The following DLGAP2 variants were observed in gnomAD, a reference collection of about 807,000 sequenced individuals.
The protein encoded by DLGAP2 is DLG associated protein 2.
A neutral mutation model predicts 100.3 loss-of-function variants in DLGAP2; 26 were observed. The ratio of observed to expected loss-of-function variants is 0.26; its 90% CI spans 0.19 to 0.36. DLGAP2 has a LOEUF of 0.36. Ranked by LOEUF, DLGAP2 falls within the 10% of genes least tolerant of loss-of-function variation. DLGAP2 has a pLI of 1.00. For synonymous variants in DLGAP2, 886 were observed against 630.1 expected, an observed-to-expected ratio of 1.41 and a Z score of -6.08; for missense variants, 1,858 against 1,453.2, an observed-to-expected ratio of 1.28 and a Z score of -4.53.
At chr8:1,562,976 G>T (rs1802232549) in intron 5 of DLGAP2, among the ~76,000 whole-genome samples, 1 of 78,198 alleles carries the variant, frequency 1.3e-5, no homozygotes, top group East Asian at 4.2e-4. Context: ...GTTACTGGGG[G>T]ACTGTGTGGT....
intron 3 of DLGAP2, among the ~76,000 whole-genome samples, chr8:1,449,179 G>T (rs1798069089): frequency 6.6e-6 from 1 of 152,184 alleles, no homozygotes; most frequent in African/African-American, 2.4e-5. Context: ...TGATCACGCT[G>T]ACCACACAGC....
At chr8:880,290 G>A (rs915449892) in intron 1 of DLGAP2, among the ~76,000 whole-genome samples, 22 of 152,124 alleles carry the variant, frequency 1.4e-4, no homozygotes. Context: ...CACACACTTT[G>A]TGCATCCTGC....
At chr8:1,636,572 A>G (rs943086990) in intron 8 of DLGAP2, among the ~76,000 whole-genome samples, 3 of 152,238 alleles carry the variant, frequency 2.0e-5, no homozygotes, top group African/African-American at 7.2e-5. Flanking sequence ...CAGTTTGAAT[A>G]AATATGACTA....
chr8:1,346,136 T>C (rs1319435761), intron 3 of DLGAP2, among the ~76,000 whole-genome samples: 5 of 152,170 alleles, frequency 3.3e-5, no homozygotes, highest in African/African-American at 1.2e-4. Context: ...CAAAAGCCCA[T>C]ACACGTCTGC....
rs376748028 is a variant in DLGAP2, at chr8:1,474,792, A to G, written c.107-26574A>G. Among the ~76,000 whole-genome samples, 6 of 152,366 alleles carry G rather than the reference A, an allele frequency of 3.9e-5. No individual in the cohort carries two copies. The Middle Eastern group carries it at 0.01, about 259-fold the overall frequency. ...TTATACACTGCCAGTGCGAGCGTAC[A>G]TTGGTTCAGCCCCTGTGGAAAGCAG... On this transcript the variant is annotated intron_variant, in intron 3 of 14. Coordinates refer to ENST00000637795, the MANE Select transcript of DLGAP2 (RefSeq NM_001346810.2).
chr8:1,156,672 C>T (rs948609856), intron 2 of DLGAP2, among the ~76,000 whole-genome samples: 5 of 151,932 alleles, frequency 3.3e-5, no homozygotes, highest in Admixed American at 6.6e-5. Context: ...CCCAGCTTAG[C>T]GTCCCAGCCC....
At chr8:1,417,733 A>AGGCTCCAGGGGGCCACGGGG (rs1563134381) in intron 3 of DLGAP2, among the ~76,000 whole-genome samples, 2 of 146,472 alleles carry the variant, frequency 1.4e-5, no homozygotes, top group Non-Finnish European at 3.0e-5. Context: ...CCAGACACAG[A>AGGCTCCAGGGGGCCACGGGG]AGCCCACGGA....
Position 1,654,101 on chromosome 8 carries a change from C to A in DLGAP2, c.1811-14228C>A, listed in dbSNP as rs1309106909. Among the ~76,000 whole-genome samples the A allele has an allele frequency of 2.0e-5, 3 of 152,162 alleles. No homozygotes were observed. The East Asian group carries it at 5.8e-4, about 29-fold the overall frequency. On this transcript the variant is annotated intron_variant, in intron 8 of 14. Transcript: ENST00000637795. ...AATACCACCTACAGAATTAGCCCTC[C>A]CTTGAAATCTTGGTAGTAAAGATTT...
chr8:869,707 G>T (rs576207478), intron 1 of DLGAP2, among the ~76,000 whole-genome samples: 16 of 152,298 alleles, frequency 1.1e-4, no homozygotes, highest in South Asian at 8.3e-4. Context: ...GAACATTCGG[G>T]GATCAGGAAG....
chr8:1,132,735 A>G (rs1407473970), intron 2 of DLGAP2, among the ~76,000 whole-genome samples: 2 of 152,292 alleles, frequency 1.3e-5, no homozygotes, highest in Non-Finnish European at 2.9e-5. Context: ...TTTTAAAGGT[A>G]GGGTTGCAGA....
chr8:1,169,197 T>G (rs1328899676), intron 2 of DLGAP2, among the ~76,000 whole-genome samples: 1 of 152,100 alleles, frequency 6.6e-6, no homozygotes, highest in Non-Finnish European at 1.5e-5. Flanking sequence ...GTTGTAGATA[T>G]GCGGCGTTAT....
intron 1 of DLGAP2, among the ~76,000 whole-genome samples, chr8:819,071 A>T (rs1796538633): frequency 6.6e-6 from 1 of 152,214 alleles, no homozygotes; most frequent in South Asian, 2.1e-4. Context: ...TCATTTAATG[A>T]CTGAATCCAG....
chr8:954,375 A>T (rs1346250567), intron 2 of DLGAP2, among the ~76,000 whole-genome samples: 1 of 152,174 alleles, frequency 6.6e-6, no homozygotes, highest in African/African-American at 2.4e-5. Context: ...TTCAGCCCCT[A>T]GGAGAAACTC....
chr8:1,417,513 A>G (rs1312888279), intron 3 of DLGAP2, among the ~76,000 whole-genome samples: 1 of 152,204 alleles, frequency 6.6e-6, no homozygotes, highest in Admixed American at 6.5e-5. Context: ...CAGGGCAGGC[A>G]TAGTACATAG....
intron 8 of DLGAP2, among the ~76,000 whole-genome samples, chr8:1,665,115 C>A (rs926861009): frequency 6.6e-6 from 1 of 152,090 alleles, no homozygotes; most frequent in African/African-American, 2.4e-5. Context: ...ATGTGACTTT[C>A]CTGTGATCAT....
chr8:1,193,039 A>G (rs1442089665), intron 2 of DLGAP2, among the ~76,000 whole-genome samples: 4 of 152,152 alleles, frequency 2.6e-5, no homozygotes, highest in African/African-American at 9.7e-5. Flanking sequence ...TCCATGGTGT[A>G]TATGTGCCAC....
chr8:1,008,651 C>T (rs1411408525), intron 2 of DLGAP2, among the ~76,000 whole-genome samples: 1 of 152,168 alleles, frequency 6.6e-6, no homozygotes, highest in Non-Finnish European at 1.5e-5. Flanking sequence ...CTTACTGTGC[C>T]GTAATTAAGC....
intron 1 of DLGAP2, among the ~76,000 whole-genome samples, chr8:852,543 G>A (rs1797201128): frequency 6.6e-6 from 1 of 150,924 alleles, no homozygotes; most frequent in African/African-American, 2.4e-5. Context: ...TCTCTTGCCA[G>A]CTTAATCGAT....
chr8:1,061,297 T>C (rs1021216981), intron 2 of DLGAP2, among the ~76,000 whole-genome samples: 5 of 152,270 alleles, frequency 3.3e-5, no homozygotes, highest in Middle Eastern at 3.4e-3. Flanking sequence ...ACACCTGCCT[T>C]ACTCTCTCCA....
Sources: allele counts gnomAD v4.1 joint callset (sites outside exome capture counted in the v4.1 genomes callset), GRCh38; gene constraint gnomAD v4.1.1; transcripts MANE v1.5; gene names NCBI Gene and HGNC (gene_info 2026-07-23, HGNC 2026-07-21).